Variants in CCDC148 observed in about 807,000 individuals in gnomAD.
CCDC148 encodes coiled-coil domain-containing protein 148.
In CCDC148, 89 loss-of-function variants were observed where a neutral mutation model predicts 85.7. The ratio of observed to expected loss-of-function variants is 1.04; its 90% CI spans 0.87 to 1.24. The LOEUF is 1.24. CCDC148 is among the 50% of genes most tolerant of loss of function. The pLI is 0.00. For missense variants in CCDC148, 692 were observed against 671.7 expected, an observed-to-expected ratio of 1.03 and a Z score of -0.33; for synonymous variants, 230 against 213.9, an observed-to-expected ratio of 1.08 and a Z score of -0.66.
At chr2:158,452,039 A>G (rs1688426019) in intron 1 of CCDC148, among the ~76,000 whole-genome samples, 1 of 152,188 alleles carries the variant, frequency 6.6e-6, no homozygotes, top group Non-Finnish European at 1.5e-5. Flanking sequence ...AAAGAAGGAA[A>G]AACACTTTTC....
At chr2:158,255,306 G>C (rs541591623) in intron 9 of CCDC148, among the ~76,000 whole-genome samples, 1 of 151,514 alleles carries the variant, frequency 6.6e-6, no homozygotes, top group African/African-American at 2.4e-5. Flanking sequence ...GAAAAAAAAA[G>C]GGGGGCGGGT....
chr2:158,372,902 C>T (rs778825905), intron 1 of CCDC148, among the ~76,000 whole-genome samples: 1 of 152,014 alleles, frequency 6.6e-6, no homozygotes, highest in Non-Finnish European at 1.5e-5. Flanking sequence ...GATCCCTGAA[C>T]GGACAATGCT....
At chr2:158,181,777 C>T (rs1265587382) in intron 11 of CCDC148, among the ~76,000 whole-genome samples, 1 of 151,976 alleles carries the variant, frequency 6.6e-6, no homozygotes, top group East Asian at 1.9e-4. Context: ...GGGCCAAGAA[C>T]TGAAGCTAGA....
intron 1 of CCDC148, chr2:158,425,245 G>T: frequency 5.6e-6 from 3 of 537,876 alleles, no homozygotes; most frequent in Non-Finnish European, 1.1e-5. Flanking sequence ...GGCCAAGAGA[G>T]CACTTATGGC....
intron 1 of CCDC148, among the ~76,000 whole-genome samples, chr2:158,433,678 C>G (rs1042154564): frequency 1.1e-4 from 17 of 152,258 alleles, no homozygotes; most frequent in Admixed American, 1.0e-3. Context: ...GGTGGTGCAT[C>G]GCCTCACCCA....
intron 9 of CCDC148, among the ~76,000 whole-genome samples, chr2:158,282,136 T>C (rs376016212): frequency 1.3e-5 from 2 of 151,766 alleles, no homozygotes; most frequent in Admixed American, 1.3e-4. Context: ...TTCAAAATAA[T>C]AAGAGCTATC....
chr2:158,378,943 A>G (rs940720395), intron 1 of CCDC148, among the ~76,000 whole-genome samples: 2 of 152,164 alleles, frequency 1.3e-5, no homozygotes, highest in African/African-American at 2.4e-5. Flanking sequence ...GCCTGCTAAC[A>G]TAACATTTAT....
intron 1 of CCDC148, among the ~76,000 whole-genome samples, chr2:158,383,458 G>A (rs1684961453): frequency 6.6e-6 from 1 of 151,796 alleles, no homozygotes; most frequent in Non-Finnish European, 1.5e-5. Context: ...TTTAATAAAT[G>A]ACTGCAAAGC....
At chr2:158,279,572 G>C (rs1206488622) in intron 9 of CCDC148, among the ~76,000 whole-genome samples, 3 of 152,018 alleles carry the variant, frequency 2.0e-5, no homozygotes, top group Admixed American at 6.6e-5. Flanking sequence ...GGTAAGTTTA[G>C]AGAAAAAAGA....
intron 11 of CCDC148, among the ~76,000 whole-genome samples, chr2:158,190,625 GT>G (rs1685379131): frequency 6.6e-6 from 1 of 151,940 alleles, no homozygotes; most frequent in African/African-American, 2.4e-5. Context: ...GGTAGATATA[GT>G]TTAACTCCAC....
intron 1 of CCDC148, among the ~76,000 whole-genome samples, chr2:158,384,886 G>A (rs1574730843): frequency 6.6e-6 from 1 of 152,148 alleles, no homozygotes; most frequent in East Asian, 1.9e-4. Context: ...TTTGCTCAGA[G>A]TTTGATAAAG....
chr2:158,380,094 A>C (rs11904685), intron 1 of CCDC148, among the ~76,000 whole-genome samples: 18,068 of 152,114 alleles, frequency 0.12, 1,634 homozygotes, highest in African/African-American at 0.25. Context: ...CTCTGTATCA[A>C]AATTCTTAAC....
chr2:158,248,560 A>C (rs1367471658), intron 10 of CCDC148, among the ~76,000 whole-genome samples: 1 of 152,150 alleles, frequency 6.6e-6, no homozygotes, highest in African/African-American at 2.4e-5. Flanking sequence ...TAGGACAACA[A>C]ATTTGATAGG....
intron 7 of CCDC148, among the ~76,000 whole-genome samples, chr2:158,321,454 G>C (rs1311318383): frequency 6.6e-6 from 1 of 152,076 alleles, no homozygotes; most frequent in African/African-American, 2.4e-5. Context: ...ATCACCCTTG[G>C]CACACAACCA....
intron 1 of CCDC148, among the ~76,000 whole-genome samples, chr2:158,418,075 A>G (rs1686586061): frequency 1.3e-5 from 2 of 152,090 alleles, no homozygotes; most frequent in South Asian, 4.1e-4. Context: ...TTAAAACACC[A>G]TAAATGTAAA....
Position 158,456,548 on chromosome 2 carries a change from C to A in CCDC148, c.-109G>T. On this transcript the variant is annotated 5_prime_UTR_variant, in exon 1 of 14. The change creates a new upstream start codon in the 5' untranslated region. Transcript: ENST00000283233. Reference sequence around the variant, plus strand: ...GGTACATCTAAGGGCTCAGCTGTTCCTACCTTTGACGCCAGGGACAAACCC... The same window carrying A: ...GGTACATCTAAGGGCTCAGCTGTTCATACCTTTGACGCCAGGGACAAACCC... The A allele has an allele frequency of 7.3e-7, 1 of 1,362,354 alleles. No homozygotes were observed. The highest frequency in any genetic ancestry group is 1.0e-6 in the Non-Finnish European group (1 of 1,003,720). 84.4% of individuals were successfully genotyped at this position (1,362,354 alleles called of 1,614,324 possible).
At chr2:158,217,708 A>G (rs967210792) in intron 11 of CCDC148, among the ~76,000 whole-genome samples, 7 of 152,124 alleles carry the variant, frequency 4.6e-5, no homozygotes, top group African/African-American at 1.2e-4. Flanking sequence ...CCGGTCGAAT[A>G]TTGTTTTTAA....
intron 10 of CCDC148, among the ~76,000 whole-genome samples, chr2:158,232,162 CT>C (rs1299312036): frequency 6.6e-6 from 1 of 152,156 alleles, no homozygotes; most frequent in Non-Finnish European, 1.5e-5. Flanking sequence ...TCATTATCCC[CT>C]ATCTCCTCTT....
At chr2:158,230,582 G>C (rs1208503402) in intron 10 of CCDC148, among the ~76,000 whole-genome samples, 1 of 152,124 alleles carries the variant, frequency 6.6e-6, no homozygotes, top group African/African-American at 2.4e-5. Context: ...TAGATGATTT[G>C]GCCAGGATTT....
Sources: allele counts gnomAD v4.1 joint callset (sites outside exome capture counted in the v4.1 genomes callset), GRCh38; gene constraint gnomAD v4.1.1; transcripts MANE v1.5; gene names NCBI Gene and HGNC (gene_info 2026-07-23, HGNC 2026-07-21).